The following ADGRL3 variants were observed in gnomAD, a reference collection of about 807,000 sequenced individuals.
The protein encoded by ADGRL3 is calcium-independent alpha-latrotoxin receptor 3.
Under a neutral mutation model 153.5 loss-of-function variants are expected in ADGRL3, and 62 were observed. The observed-to-expected ratio is 0.40, with a 90% CI of 0.33 to 0.50. ADGRL3 has a LOEUF of 0.50. Among genes scored for constraint, ADGRL3 ranks in the 20% least tolerant of loss-of-function variants. The pLI, the probability that ADGRL3 is intolerant of heterozygous loss-of-function variation, is 0.47. For synonymous variants in ADGRL3, 710 were observed against 672.5 expected, an observed-to-expected ratio of 1.06 and a Z score of -0.86; for missense variants, 1,641 against 1,859.4, an observed-to-expected ratio of 0.88 and a Z score of 2.16.
At chr4:61,856,949 TC>T (rs2098275636) in intron 9 of ADGRL3, among the ~76,000 whole-genome samples, 1 of 103,252 alleles carries the variant, frequency 9.7e-6, no homozygotes, top group East Asian at 3.4e-4. Flanking sequence ...TCTTTCTTCT[TC>T]TCTTTCTTTC....
rs1192000765 is a variant in ADGRL3 at position 61,857,644 on chromosome 4, T to TTTCC, written c.1481-34996_1481-34993dup. Among the ~76,000 whole-genome samples the TTTCC allele has an allele frequency of 3.3e-3, 491 of 150,004 alleles. 2 individuals carry two copies. The highest frequency in any genetic ancestry group is 0.012 in the African/African-American group (469 of 39,678). Reference sequence around the variant, plus strand: ...GTGTTTTTTTTTTCTTTTCTGTCTTTTTCCTTCCTTCCTTCCTTCTTTCTT... The same window carrying TTTCC: ...GTGTTTTTTTTTTCTTTTCTGTCTTTTTCCTTCCTTCCTTCCTTCCTTCTTTCTT... On this transcript the variant is annotated intron_variant, in intron 9 of 26. Transcript: ENST00000683033.
At chr4:61,860,100 C>T (rs1228309026) in intron 9 of ADGRL3, among the ~76,000 whole-genome samples, 1 of 152,138 alleles carries the variant, frequency 6.6e-6, no homozygotes, top group Non-Finnish European at 1.5e-5. Flanking sequence ...GGGCATGCTT[C>T]AGAGTTCCTT....
At chr4:61,396,449 A>G (rs894254293) in intron 2 of ADGRL3, among the ~76,000 whole-genome samples, 14 of 152,000 alleles carry the variant, frequency 9.2e-5, no homozygotes, top group African/African-American at 3.4e-4. Context: ...TACATATCAA[A>G]TTACATAATC....
At chr4:61,260,498 A>AC (rs1257125329) in intron 1 of ADGRL3, among the ~76,000 whole-genome samples, 4 of 152,168 alleles carry the variant, frequency 2.6e-5, no homozygotes, top group African/African-American at 7.2e-5. Flanking sequence ...GTTATTTTTG[A>AC]CATTTACTGC....
At chr4:61,439,142 T>C (rs373461321) in intron 2 of ADGRL3, among the ~76,000 whole-genome samples, 1 of 152,288 alleles carries the variant, frequency 6.6e-6, no homozygotes, top group East Asian at 1.9e-4. Context: ...TATAGTATTG[T>C]GTTAAATTAA....
At chr4:61,925,403 A>G (rs2098790184) in intron 13 of ADGRL3, among the ~76,000 whole-genome samples, 1 of 152,150 alleles carries the variant, frequency 6.6e-6, no homozygotes, top group South Asian at 2.1e-4. Context: ...TAATAAGCCT[A>G]CTTAAATTTA....
At chr4:62,055,053 A>G (rs1736287757) in intron 25 of ADGRL3, among the ~76,000 whole-genome samples, 1 of 151,792 alleles carries the variant, frequency 6.6e-6, no homozygotes, top group African/African-American at 2.4e-5. Flanking sequence ...TTTAGGCAAT[A>G]TGTTACTTCA....
chr4:61,837,096 T>A (rs1447151155), intron 9 of ADGRL3, among the ~76,000 whole-genome samples: 1 of 152,108 alleles, frequency 6.6e-6, no homozygotes, highest in African/African-American at 2.4e-5. Flanking sequence ...AGAGATGAAG[T>A]AGTTCATCCA....
chr4:61,591,793 A>C (rs1356577504), intron 5 of ADGRL3, among the ~76,000 whole-genome samples: 1 of 151,832 alleles, frequency 6.6e-6, no homozygotes, highest in Admixed American at 6.6e-5. Context: ...AGAGAGAGAG[A>C]AGGCCAGGTG....
At chr4:61,476,724 A>C (rs1282329075) in intron 2 of ADGRL3, among the ~76,000 whole-genome samples, 6 of 148,514 alleles carry the variant, frequency 4.0e-5, no homozygotes, top group Non-Finnish European at 7.5e-5. Flanking sequence ...AAAAAAAAAA[A>C]AAAAAAAAAA....
At chr4:61,750,530 G>A (rs1320242408) in intron 8 of ADGRL3, among the ~76,000 whole-genome samples, 2 of 152,154 alleles carry the variant, frequency 1.3e-5, no homozygotes, top group African/African-American at 4.8e-5. Flanking sequence ...GGTGGCTCAC[G>A]CCTGTAATCC....
At chr4:61,872,092 A>G (rs2098448787) in intron 9 of ADGRL3, among the ~76,000 whole-genome samples, 1 of 152,220 alleles carries the variant, frequency 6.6e-6, no homozygotes, top group Non-Finnish European at 1.5e-5. Context: ...AATGCCTGGC[A>G]CACAGTGTAT....
At chr4:61,821,909 TTTACTA>T (rs1354089750) in intron 9 of ADGRL3, among the ~76,000 whole-genome samples, 1 of 152,150 alleles carries the variant, frequency 6.6e-6, no homozygotes, top group Non-Finnish European at 1.5e-5. Flanking sequence ...TAGCCAAAGA[TTTACTA>T]TTACAAATTG....
At chr4:61,798,251 CA>C (rs2097439430) in intron 8 of ADGRL3, among the ~76,000 whole-genome samples, 1 of 152,132 alleles carries the variant, frequency 6.6e-6, no homozygotes, top group Non-Finnish European at 1.5e-5. Flanking sequence ...AGCTAAAAAT[CA>C]CATTAAATCC....
At chr4:61,798,698 A>G (rs1245946247) in intron 8 of ADGRL3, among the ~76,000 whole-genome samples, 2 of 151,182 alleles carry the variant, frequency 1.3e-5, no homozygotes, top group Admixed American at 1.3e-4. Context: ...GCTCACTGCA[A>G]CCTCCGCCTC....
intron 3 of ADGRL3, among the ~76,000 whole-genome samples, chr4:61,506,923 G>A (rs771713140): frequency 2.6e-5 from 4 of 151,934 alleles, no homozygotes; most frequent in Non-Finnish European, 4.4e-5. Context: ...AGATATGTAG[G>A]TTAAAAACGT....
intron 2 of ADGRL3, among the ~76,000 whole-genome samples, chr4:61,453,780 A>G (rs1578947439): frequency 6.6e-6 from 1 of 152,246 alleles, no homozygotes; most frequent in East Asian, 1.9e-4. Flanking sequence ...CATTTCTTAC[A>G]TAAAAGACAA....
At chr4:61,278,430 A>G (rs1039734200) in intron 1 of ADGRL3, among the ~76,000 whole-genome samples, 5 of 152,202 alleles carry the variant, frequency 3.3e-5, no homozygotes, top group East Asian at 3.9e-4. Flanking sequence ...TAGTAGTCTC[A>G]GTGTTGAAAA....
At chr4:61,672,363 A>T (rs1358428398) in intron 5 of ADGRL3, among the ~76,000 whole-genome samples, 1 of 152,070 alleles carries the variant, frequency 6.6e-6, no homozygotes, top group Non-Finnish European at 1.5e-5. Context: ...ATTGACCATA[A>T]ACATGTGGAT....
Sources: gnomAD v4.1 joint callset for allele counts (sites outside exome capture counted in the v4.1 genomes callset) on GRCh38, gnomAD v4.1.1 for gene constraint, MANE v1.5 for transcripts, NCBI Gene and HGNC (gene_info 2026-07-23, HGNC 2026-07-21) for gene names.